The following GNAQ variants were observed in gnomAD, a reference collection of about 807,000 sequenced individuals.
The protein encoded by GNAQ is guanine nucleotide-binding protein G(q) subunit alpha.
GNAQ carries 8 observed loss-of-function variants against 43.9 expected under a neutral mutation model. The observed-to-expected ratio is 0.18, with a 90% CI of 0.11 to 0.33. The LOEUF (loss-of-function observed/expected upper bound fraction) is 0.33. Among genes scored for constraint, GNAQ ranks in the 10% least tolerant of loss-of-function variants. The pLI is 1.00. For synonymous variants in GNAQ, 155 were observed against 170.7 expected, an observed-to-expected ratio of 0.91 and a Z score of 0.71; for missense variants, 158 against 450.8, an observed-to-expected ratio of 0.35 and a Z score of 5.88.
At chr9:77,913,489 C>T (rs992805483) in intron 2 of GNAQ, among the ~76,000 whole-genome samples, 4 of 151,990 alleles carry the variant, frequency 2.6e-5, no homozygotes, top group African/African-American at 2.4e-5. Context: ...CAGCTAGTGG[C>T]GACTGTATTG....
intron 2 of GNAQ, among the ~76,000 whole-genome samples, chr9:77,839,199 C>G (rs936967468): frequency 1.2e-4 from 19 of 152,184 alleles, no homozygotes; most frequent in Non-Finnish European, 1.8e-4. Flanking sequence ...AATCAAAGTT[C>G]TTACTGAATC....
intron 3 of GNAQ, 40 bp downstream of exon 3, chr9:77,815,576 A>G: frequency 7.3e-7 from 1 of 1,374,788 alleles, no homozygotes; most frequent in Non-Finnish European, 1.0e-6. Flanking sequence ...ACATGGAAGT[A>G]AAGAGAAAAA....
At chr9:77,849,458 A>G (rs996971819) in intron 2 of GNAQ, among the ~76,000 whole-genome samples, 1 of 152,066 alleles carries the variant, frequency 6.6e-6, no homozygotes, top group African/African-American at 2.4e-5. Context: ...AACTAGAATG[A>G]TGATTTAAAC....
chr9:77,735,941 AATG>A (rs1259898964), intron 5 of GNAQ, among the ~76,000 whole-genome samples: 1 of 152,148 alleles, frequency 6.6e-6, no homozygotes. Context: ...TAGATGAGAC[AATG>A]CATCCAAGCC....
At chr9:77,929,854 C>T (rs1489731853) in intron 1 of GNAQ, among the ~76,000 whole-genome samples, 1 of 151,952 alleles carries the variant, frequency 6.6e-6, no homozygotes, top group Non-Finnish European at 1.5e-5. Flanking sequence ...TTTTTTAAAA[C>T]CTGCAACAAT....
At position 77,917,187 on chromosome 9, in the gene GNAQ, A is replaced by T. The variant is rs117291145; in HGVS notation, c.321+4974T>A. On this transcript the variant is annotated intron_variant, in intron 2 of 6. Transcript: ENST00000286548. ...AGGAAGAACCCCAACTGCCAAGTTC[A>T]GACAGTAAAAAATCAAGGATTCCAA... Among the ~76,000 whole-genome samples the T allele has an allele frequency of 7.0e-3, 1,059 of 152,338 alleles. 5 individuals carry two copies. Among genetic ancestry groups the T allele is most frequent in the Non-Finnish European group, 9.9e-3 (676 of 68,030 alleles).
At position 77,830,031 on chromosome 9, in the gene GNAQ, C is replaced by T. The variant is rs532559782; in HGVS notation, c.322-14261G>A. ...TACAGGGCACGATCATAGCTCACTA[C>T]AGCCTTGATCTCCAGGGTTCAGGTG... On this transcript the variant is annotated intron_variant, in intron 2 of 6. Coordinates refer to ENST00000286548, the MANE Select transcript of GNAQ (RefSeq NM_002072.5). Among the ~76,000 whole-genome samples the T allele has an allele frequency of 4.6e-5, 7 of 152,246 alleles. No individual in the cohort carries two copies. The East Asian group carries it at 1.4e-3, about 29-fold the overall frequency.
intron 5 of GNAQ, among the ~76,000 whole-genome samples, chr9:77,738,950 G>A (rs1304065083): frequency 1.3e-5 from 2 of 151,144 alleles, no homozygotes; most frequent in Non-Finnish European, 2.9e-5. Context: ...TAGTTTTTTT[G>A]TGTACTATTA....
chr9:77,983,899 C>T (rs764184437), intron 1 of GNAQ, among the ~76,000 whole-genome samples: 2 of 151,864 alleles, frequency 1.3e-5, no homozygotes, highest in Non-Finnish European at 2.9e-5. Flanking sequence ...GGAAGATTTA[C>T]CGAGATCCTA....
intron 1 of GNAQ, among the ~76,000 whole-genome samples, chr9:77,970,350 G>A (rs1823222793): frequency 1.3e-5 from 2 of 152,142 alleles, no homozygotes; most frequent in Admixed American, 1.3e-4. Context: ...CTGGACACAA[G>A]TTTTCTTCCC....
intron 3 of GNAQ, among the ~76,000 whole-genome samples, chr9:77,802,622 T>G (rs959002275): frequency 3.3e-5 from 5 of 152,074 alleles, no homozygotes; most frequent in Non-Finnish European, 4.4e-5. Context: ...TAGCCATAAT[T>G]TGTTTTGTAG....
At chr9:77,846,362 T>C (rs1419815890) in intron 2 of GNAQ, among the ~76,000 whole-genome samples, 1 of 152,204 alleles carries the variant, frequency 6.6e-6, no homozygotes, top group Non-Finnish European at 1.5e-5. Flanking sequence ...TTCCTCACCC[T>C]GCCTGCTCCA....
chr9:77,930,404 C>CA (rs1829131906), intron 1 of GNAQ, among the ~76,000 whole-genome samples: 1 of 152,132 alleles, frequency 6.6e-6, no homozygotes, highest in African/African-American at 2.4e-5. Flanking sequence ...TTTTTAAACA[C>CA]AAAATTAATG....
Position 77,764,529 on chromosome 9 carries a change from C to A in GNAQ, c.735+29934G>T, listed in dbSNP as rs192110512. ...GGAATGCAGTGGCGCGATCTCAGCT[C>A]ACTGCAAGCTCTGCCTCCCGGGTTC... On this transcript the variant is annotated intron_variant, in intron 5 of 6. Coordinates refer to ENST00000286548, the MANE Select transcript of GNAQ (RefSeq NM_002072.5). Among the ~76,000 whole-genome samples the A allele has an allele frequency of 2.2e-4, 34 of 151,824 alleles. No individual in the cohort carries two copies. The East Asian group carries it at 5.6e-3, about 25-fold the overall frequency.
chr9:77,997,229 T>C (rs190150972), intron 1 of GNAQ, among the ~76,000 whole-genome samples: 123 of 152,350 alleles, frequency 8.1e-4, no homozygotes, highest in African/African-American at 2.9e-3. Flanking sequence ...AACAGTAACA[T>C]GGAGGTAACT....
chr9:77,880,902 A>G (rs1396971762), intron 2 of GNAQ, among the ~76,000 whole-genome samples: 1 of 152,126 alleles, frequency 6.6e-6, no homozygotes, highest in Non-Finnish European at 1.5e-5. Context: ...GAGGACCACG[A>G]GCGAAGTAGG....
intron 1 of GNAQ, among the ~76,000 whole-genome samples, chr9:77,938,336 G>A (rs1033883161): frequency 6.6e-6 from 1 of 152,076 alleles, no homozygotes; most frequent in African/African-American, 2.4e-5. Flanking sequence ...CTTTCTCTAT[G>A]TAACACATGA....
At chr9:77,823,525 C>T (rs946923060) in intron 2 of GNAQ, among the ~76,000 whole-genome samples, 1 of 152,032 alleles carries the variant, frequency 6.6e-6, no homozygotes, top group Non-Finnish European at 1.5e-5. Context: ...TAAAGAACTA[C>T]CTGAGACTGG....
intron 2 of GNAQ, among the ~76,000 whole-genome samples, chr9:77,826,491 C>G (rs980715539): frequency 2.0e-5 from 3 of 152,172 alleles, no homozygotes; most frequent in Non-Finnish European, 4.4e-5. Context: ...TAATTTATGC[C>G]CTAGATGCTT....
Sources: allele counts gnomAD v4.1 joint callset (sites outside exome capture counted in the v4.1 genomes callset), GRCh38; gene constraint gnomAD v4.1.1; transcripts MANE v1.5; gene names NCBI Gene and HGNC (gene_info 2026-07-23, HGNC 2026-07-21).